ST7: variants seen among roughly 807,000 people sequenced by gnomAD.
ST7 encodes the protein suppressor of tumorigenicity 7 protein.
ST7 carries 28 observed loss-of-function variants against 78.7 expected under a neutral mutation model. That is an observed-to-expected ratio of 0.36 (90% confidence interval 0.26 to 0.49). The LOEUF (loss-of-function observed/expected upper bound fraction) is 0.49, where lower values mean the gene tolerates loss of function less well. Among genes scored for constraint, ST7 ranks in the 20% least tolerant of loss-of-function variants. ST7 has a pLI of 0.99. For missense variants in ST7, 418 were observed against 696.0 expected (o/e 0.60, Z 4.49); for synonymous variants, 247 against 249.6 (o/e 0.99, Z 0.10).
intron 1 of ST7, among the ~76,000 whole-genome samples, chr7:117,013,373 A>G (rs1280238389): frequency 6.6e-6 from 1 of 152,242 alleles, no homozygotes; most frequent in African/African-American, 2.4e-5. Flanking sequence ...TTAAGGCCTA[A>G]TAAATGAGAT....
intron 1 of ST7, among the ~76,000 whole-genome samples, chr7:117,090,266 C>G (rs570900499): frequency 1.3e-5 from 2 of 150,416 alleles, no homozygotes; most frequent in African/African-American, 4.8e-5. Flanking sequence ...CACACACACA[C>G]ACACACACAC....
At chr7:117,041,920 G>C (rs758555898) in intron 1 of ST7, among the ~76,000 whole-genome samples, 52 of 152,224 alleles carry the variant, frequency 3.4e-4, no homozygotes, top group Non-Finnish European at 5.4e-4. Context: ...TAATCACAAG[G>C]GTCCTTAAAT....
At chr7:116,972,304 T>A in intron 1 of ST7, 1 of 579,100 alleles carries the variant, frequency 1.7e-6, no homozygotes, top group East Asian at 3.3e-5. Context: ...AGCAAACCCA[T>A]CACGGGCCTC....
At chr7:116,967,306 C>T (rs1276817989) in intron 1 of ST7, 1 of 471,100 alleles carries the variant, frequency 2.1e-6, no homozygotes, top group South Asian at 1.5e-5. Context: ...GTGGTGGTGG[C>T]CATTAATGAC....
At chr7:117,011,617 T>A (rs886979399) in intron 1 of ST7, among the ~76,000 whole-genome samples, 7 of 152,180 alleles carry the variant, frequency 4.6e-5, no homozygotes, top group Non-Finnish European at 1.0e-4. Context: ...TTCTCCAACC[T>A]GGATCACGAA....
At chr7:117,097,754 A>G (rs1801164776) in intron 1 of ST7, among the ~76,000 whole-genome samples, 1 of 145,174 alleles carries the variant, frequency 6.9e-6, no homozygotes, top group African/African-American at 2.5e-5. Flanking sequence ...TGCACATTTG[A>G]TTTTTTTTCC....
intron 1 of ST7, among the ~76,000 whole-genome samples, chr7:117,025,411 A>G (rs947190341): frequency 9.2e-5 from 14 of 152,208 alleles, no homozygotes; most frequent in Admixed American, 4.6e-4. Flanking sequence ...ATATGAAACT[A>G]GGTAATTTAG....
chr7:117,114,656 G>A (rs1191716369), intron 2 of ST7, among the ~76,000 whole-genome samples: 5 of 152,176 alleles, frequency 3.3e-5, no homozygotes, highest in African/African-American at 7.2e-5. Flanking sequence ...GAATTACTAA[G>A]CTTTTGCTGT....
At chr7:117,029,539 C>A (rs1050218840) in intron 1 of ST7, among the ~76,000 whole-genome samples, 4 of 152,040 alleles carry the variant, frequency 2.6e-5, no homozygotes, top group Admixed American at 2.6e-4. Context: ...CTGTAGCTTT[C>A]CTTTTTATTT....
At chr7:117,030,581 A>G (rs1796424774) in intron 1 of ST7, among the ~76,000 whole-genome samples, 1 of 152,224 alleles carries the variant, frequency 6.6e-6, no homozygotes, top group South Asian at 2.1e-4. Context: ...CAAGCATATG[A>G]AAAAATGGTC....
At chr7:117,177,634 C>G (rs961245901) in intron 10 of ST7, among the ~76,000 whole-genome samples, 1 of 152,174 alleles carries the variant, frequency 6.6e-6, no homozygotes, top group Non-Finnish European at 1.5e-5. Context: ...TTGTCTTTCC[C>G]CCTGCCCCAA....
chr7:117,213,933 G>T, intron 13 of ST7, among the ~76,000 whole-genome samples: 1 of 152,154 alleles, frequency 6.6e-6, no homozygotes, highest in Non-Finnish European at 1.5e-5. Context: ...ACATAGAAAC[G>T]AAGGGTCTCG....
rs567440657 is a variant in ST7, at chr7:116,961,249, A to G, written c.151+7558A>G. Among the ~76,000 whole-genome samples, 8 of 152,268 alleles carry G rather than the reference A, an allele frequency of 5.3e-5. No homozygotes were observed. The South Asian group carries it at 1.2e-3, about 24-fold the overall frequency. ...AGTTTGAAGATGAGTAGCGAGTAGC[A>G]TGATGCCTCCAGCTTTGTTCTTTTG... On this transcript the variant is annotated intron_variant, in intron 1 of 15. Transcript: ENST00000323984.
At chr7:117,207,272 C>G (rs1767129737) in intron 12 of ST7, among the ~76,000 whole-genome samples, 1 of 151,900 alleles carries the variant, frequency 6.6e-6, no homozygotes, top group Non-Finnish European at 1.5e-5. Context: ...GCCTCCTGAA[C>G]AGCTGGGATT....
chr7:117,229,668 A>C, intron 15 of ST7, 94 bp from the exon 16 acceptor site: 2 of 1,005,344 alleles, frequency 2.0e-6, no homozygotes, highest in Non-Finnish European at 2.9e-6. Flanking sequence ...TTCGTAATGC[A>C]GAGACTTAAG....
chr7:117,081,772 A>G (rs150702084), intron 1 of ST7, among the ~76,000 whole-genome samples: 37 of 152,336 alleles, frequency 2.4e-4, no homozygotes, highest in Middle Eastern at 3.4e-3. Context: ...GACAATTGTA[A>G]AAGATGACTA....
chr7:117,007,429 A>G (rs543217160), intron 1 of ST7, among the ~76,000 whole-genome samples: 1 of 152,348 alleles, frequency 6.6e-6, no homozygotes, highest in East Asian at 1.9e-4. Flanking sequence ...AGGAAGCTGC[A>G]GAGGAACGCT....
chr7:117,193,433 T>C (rs1186149534), intron 12 of ST7, among the ~76,000 whole-genome samples: 1 of 152,204 alleles, frequency 6.6e-6, no homozygotes, highest in African/African-American at 2.4e-5. Flanking sequence ...TCATAACAAC[T>C]CTGTGAGGTG....
At chr7:117,112,009 G>C (rs948009582) in intron 2 of ST7, among the ~76,000 whole-genome samples, 2 of 151,928 alleles carry the variant, frequency 1.3e-5, no homozygotes, top group African/African-American at 2.4e-5. Context: ...ATTGGATATA[G>C]GGATCAATAC....
Sources: gnomAD v4.1 joint callset for allele counts (sites outside exome capture counted in the v4.1 genomes callset) on GRCh38, gnomAD v4.1.1 for gene constraint, MANE v1.5 for transcripts, NCBI Gene and HGNC (gene_info 2026-07-23, HGNC 2026-07-21) for gene names.